Variants in FCSK observed in about 807,000 individuals in gnomAD.
FCSK encodes the protein L-fucose kinase.
A neutral mutation model predicts 122.5 loss-of-function variants in FCSK; 123 were observed. That is an observed-to-expected ratio of 1.00 (90% confidence interval 0.87 to 1.17). FCSK has a LOEUF of 1.17. Ranked by LOEUF, FCSK falls within the 50% of genes most tolerant of loss-of-function variation. The pLI is 0.00. For synonymous variants in FCSK, 620 were observed against 625.5 expected, an observed-to-expected ratio of 0.99 and a Z score of 0.13; for missense variants, 1,366 against 1,450.4, an observed-to-expected ratio of 0.94 and a Z score of 0.95.
At chr16:70,468,405 G>A (rs1324345373) in intron 8 of FCSK, among the ~76,000 whole-genome samples, 1 of 152,218 alleles carries the variant, frequency 6.6e-6, no homozygotes, top group Non-Finnish European at 1.5e-5. Flanking sequence ...GGGTGACAGA[G>A]CGAGACTCTG....
In FCSK at chr16:70,471,250, TG is replaced by T. The variant is rs1259538397; in HGVS notation, c.1241del (p.Gly414AlafsTer160). On this transcript the variant is annotated frameshift_variant, in exon 13 of 24. Transcript: ENST00000288078. LOFTEE classifies it high-confidence loss of function. Reference sequence around the variant, plus strand: ...ATACAGCCCACTCCAAGGCCCTGCATGGCCGGGAGCTGCGTGACCTTGTCCT... The same window carrying T: ...ATACAGCCCACTCCAAGGCCCTGCATGCCGGGAGCTGCGTGACCTTGTCCT... ...LDTAHSKALH[G>X]RELRDLVLQG... 1.9e-6 allele frequency: 3 copies of T among 1,610,804 alleles called. No individual in the cohort carries two copies. Among genetic ancestry groups the T allele is most frequent in the South Asian group, 1.1e-5 (1 of 90,646 alleles).
chr16:70,478,155 T>G (rs1013517136), intron 20 of FCSK, 117 bp from the exon 21 acceptor site: 3 of 949,654 alleles, frequency 3.2e-6, no homozygotes. Context: ...CCTGTGGAGT[T>G]GAGGGAAGCT....
chr16:70,465,269 T>C (rs2048382860), intron 4 of FCSK, 93 bp downstream of exon 4: 1 of 1,225,430 alleles, frequency 8.2e-7, no homozygotes, highest in East Asian at 2.4e-5. Context: ...CCACTGTGTG[T>C]GTGCAAGATG....
rs774065198 is a variant in FCSK, at chr16:70,465,204, G to C, written c.285+28G>C. 3.1e-6 allele frequency: 5 copies of C among 1,588,218 alleles called. No homozygotes were observed. In the South Asian group the frequency reaches 4.5e-5, roughly 14 times the overall value. ...AAATGAACTTTGGGGCAGGGGCCAA[G>C]CAGAAGGCCAGAATCCCAGTTCGTG... On this transcript the variant is annotated intron_variant, in intron 4 of 23. Transcript: ENST00000288078.
chr16:70,478,412 C>T lies in FCSK; in HGVS notation c.2782C>T (p.Leu928Phe). The T allele has an allele frequency of 6.2e-7, 1 of 1,614,198 alleles. No homozygotes were observed. The highest frequency in any genetic ancestry group is 8.5e-7 in the Non-Finnish European group (1 of 1,180,036). The change falls in exon 21 of 24, where the codon CTC becomes TTC. Residue 928 changes from leucine (L) to phenylalanine (F), a missense_variant. Leu to Phe is a conservative substitution (Grantham distance 22, BLOSUM62 0). Transcript: ENST00000288078. ...TGTCCAGAAGCTCAATGACCACCTG[C>T]TCTTGGTGTACACTGGCAAGACCCG... Reference protein sequence around the residue: ...GFVQKLNDHLLLVYTGKTRLA... With the variant: ...GFVQKLNDHLFLVYTGKTRLA...
At chr16:70,469,100 GGGGGCTGAACCCCTGCCATGCCAATA>G in intron 9 of FCSK, 26 bp from the exon 10 acceptor site, 1 of 1,609,050 alleles carries the variant, frequency 6.2e-7, no homozygotes, top group Middle Eastern at 1.7e-4. Context: ...CTCAGAACTT[GGGGGCTGAACCCCTGCCATGCCAATA>G]GCTGTGCTTC....
Position 70,478,265 on chromosome 16 carries a change from C to T in FCSK, c.2642-7C>T, listed in dbSNP as rs758819251. 3 of 1,613,332 alleles carry T rather than the reference C, an allele frequency of 1.9e-6. No homozygotes were observed. Among genetic ancestry groups the T allele is most frequent in the East Asian group, 4.5e-5 (2 of 44,884 alleles). On this transcript the variant is annotated splice_polypyrimidine_tract_variant and splice_region_variant and intron_variant, in intron 20 of 23. Coordinates refer to ENST00000288078, the MANE Select transcript of FCSK (RefSeq NM_145059.3). ...GACTCCAACAGTGACAGTCCCTGGG[C>T]TCACAGGAGGTGGCTGGCAGGACCA...
intron 1 of FCSK, among the ~76,000 whole-genome samples, chr16:70,456,981 C>G (rs899863121): frequency 6.6e-6 from 1 of 151,792 alleles, no homozygotes; most frequent in African/African-American, 2.4e-5. Flanking sequence ...GATTGCGCCA[C>G]TGCACTCCAG....
intron 13 of FCSK, 138 bp downstream of exon 13, chr16:70,471,490 G>A: frequency 1.1e-6 from 1 of 883,040 alleles, no homozygotes; most frequent in South Asian, 1.8e-5. Flanking sequence ...GATGTAGGGA[G>A]GAGAGAATGA....
At position 70,468,905 on chromosome 16, in the gene FCSK, C is replaced by T. The variant is rs758330313; in HGVS notation, c.720C>T (p.His240=). Residue 240 remains histidine, a synonymous_variant, in exon 9 of 24, where the codon CAC becomes CAT. Coordinates refer to ENST00000288078, the MANE Select transcript of FCSK (RefSeq NM_145059.3). ...VETAERLLAT[H]VSPPLDACTY... Reference sequence around the variant, plus strand: ...CTGCCGAGCGCCTCCTAGCCACCCACGTGAGCCCGCCCCTGGATGCCTGCA... The same window carrying T: ...CTGCCGAGCGCCTCCTAGCCACCCATGTGAGCCCGCCCCTGGATGCCTGCA... The T allele has an allele frequency of 8.1e-6, 13 of 1,613,934 alleles. No homozygotes were observed. Among genetic ancestry groups the T allele is most frequent in the African/African-American group, 2.7e-5 (2 of 74,938 alleles).
At chr16:70,459,845 A>G (rs544041312) in intron 1 of FCSK, among the ~76,000 whole-genome samples, 1 of 150,924 alleles carries the variant, frequency 6.6e-6, no homozygotes, top group Non-Finnish European at 1.5e-5. Context: ...CTTCTTGCCC[A>G]GGCTGGAGTG....
rs2048610036 is a variant in FCSK at position 70,471,303 on chromosome 16, G to T, written c.1292G>T (p.Gly431Val). The change falls in exon 13 of 24, where the codon GGC becomes GTC. Residue 431 changes from glycine (G) to valine (V), a missense_variant. Transcript: ENST00000288078. Reference protein sequence around the residue: ...VLQGHHTRLHGSPGHAFTLVG... With the variant: ...VLQGHHTRLHVSPGHAFTLVG... ...CAGGGACACCACACGCGGCTACACG[G>T]CTCCCCGGGCCACGCCTTCACCCTC... 1.2e-6 allele frequency: 2 copies of T among 1,602,578 alleles called. No individual in the cohort carries two copies. The highest frequency in any genetic ancestry group is 4.5e-5 in the East Asian group (2 of 44,496).
At chr16:70,457,783 A>T in intron 1 of FCSK, 1 of 147,846 alleles carries the variant, frequency 6.8e-6, no homozygotes. Flanking sequence ...TTTTTGGTAG[A>T]GATGGGGTTT....
At chr16:70,466,402 G>A in intron 5 of FCSK, 145 bp downstream of exon 5, 1 of 1,023,162 alleles carries the variant, frequency 9.8e-7, no homozygotes, top group Non-Finnish European at 1.4e-6. Context: ...GCTTCAAGAA[G>A]TTAGTTGTGT....
Position 70,479,232 on chromosome 16 carries a change from G to T in FCSK, c.2982G>T (p.Lys994Asn). 8 of 1,613,908 alleles carry T rather than the reference G, an allele frequency of 5.0e-6. No homozygotes were observed. Among genetic ancestry groups the T allele is most frequent in the Non-Finnish European group, 6.8e-6 (8 of 1,180,028 alleles). The change falls in exon 23 of 24, where the codon AAG becomes AAT. Residue 994 changes from lysine (K) to asparagine (N), a missense_variant. Physicochemically the swap from Lys to Asn is moderately conservative, Grantham distance 94. Transcript: ENST00000288078. ...QCLTSYWEQK[K>N]LMAPGCEPLT... The stretch of plus-strand genomic sequence containing the variant: ...TGACCTCGTACTGGGAGCAGAAGAA[G>T]CTCATGGCTCCAGGCTGTGAGCCCC...
intron 16 of FCSK, 50 bp from the exon 17 acceptor site, chr16:70,474,478 G>T (rs1260889193): frequency 3.2e-6 from 5 of 1,546,390 alleles, no homozygotes; most frequent in South Asian, 1.2e-5. Flanking sequence ...CAGGCAATCT[G>T]CCCCCAGCTT....
chr16:70,457,206 T>C (rs1363554987), intron 1 of FCSK, among the ~76,000 whole-genome samples: 5 of 152,124 alleles, frequency 3.3e-5, no homozygotes, highest in Non-Finnish European at 5.9e-5. Flanking sequence ...TCTATCACTA[T>C]GCTGAGATGA....
intron 1 of FCSK, chr16:70,457,968 A>C (rs1457664625): frequency 1.3e-5 from 2 of 151,566 alleles, no homozygotes; most frequent in African/African-American, 4.8e-5. Flanking sequence ...AGGATCCAAA[A>C]GACCCAGGTG....
At chr16:70,470,501 T>A in intron 11 of FCSK, 75 bp downstream of exon 11, 1 of 895,720 alleles carries the variant, frequency 1.1e-6, no homozygotes, top group Non-Finnish European at 1.8e-6. Flanking sequence ...GGGAAGAAAA[T>A]AGCCGGCACT....
Sources: allele counts gnomAD v4.1 joint callset (sites outside exome capture counted in the v4.1 genomes callset), GRCh38; gene constraint gnomAD v4.1.1; transcripts MANE v1.5; gene names NCBI Gene and HGNC (gene_info 2026-07-23, HGNC 2026-07-21).